The following CNTN6 variants were observed in gnomAD, a reference collection of about 807,000 sequenced individuals.
CNTN6 encodes contactin 6.
Under a neutral mutation model 122.8 loss-of-function variants are expected in CNTN6, and 137 were observed. That is an observed-to-expected ratio of 1.12 (90% CI 0.97 to 1.29). The LOEUF (loss-of-function observed/expected upper bound fraction) is 1.29, where lower values mean the gene tolerates loss of function less well. Ranked by LOEUF, CNTN6 falls within the 50% of genes most tolerant of loss-of-function variation. CNTN6 has a pLI of 0.00. For synonymous variants in CNTN6, 570 were observed against 426.0 expected (o/e 1.34, Z -4.16); for missense variants, 1,634 against 1,223.4 (o/e 1.34, Z -5.01).
At chr3:1,233,090 G>C (rs1290557821) in intron 4 of CNTN6, among the ~76,000 whole-genome samples, 1 of 152,138 alleles carries the variant, frequency 6.6e-6, no homozygotes, top group East Asian at 1.9e-4. Flanking sequence ...TTATATCCGG[G>C]CCTAATCTGC....
At chr3:1,220,861 A>C (rs1461649148) in intron 3 of CNTN6, 48 bp downstream of exon 3, 1 of 1,540,792 alleles carries the variant, frequency 6.5e-7, no homozygotes, top group Admixed American at 2.1e-5. Flanking sequence ...TTCCTCACTG[A>C]ACCAAAACAT....
At position 1,388,579 on chromosome 3, in the gene CNTN6, C is replaced by G. The variant is rs576129023; in HGVS notation, c.2704+2782C>G. On this transcript the variant is annotated intron_variant, in intron 20 of 22. Coordinates refer to ENST00000446702, the MANE Select transcript of CNTN6 (RefSeq NM_001289080.2). Reference sequence around the variant, plus strand: ...CTGGACGGAGAATGACTTTGACGAGCTGAGAGAAGAAGGCTTCAGACGATC... The same window carrying G: ...CTGGACGGAGAATGACTTTGACGAGGTGAGAGAAGAAGGCTTCAGACGATC... 3.9e-4 allele frequency among the ~76,000 whole-genome samples: 58 copies of G among 150,178 alleles called. No homozygotes were observed. In the East Asian group the frequency reaches 1.0e-2, roughly 26 times the overall value.
At chr3:1,252,950 G>A (rs763458613) in intron 4 of CNTN6, among the ~76,000 whole-genome samples, 1 of 152,152 alleles carries the variant, frequency 6.6e-6, no homozygotes. Flanking sequence ...TTGAAAGAAG[G>A]TATAGCATGA....
intron 7 of CNTN6, among the ~76,000 whole-genome samples, chr3:1,305,968 C>T (rs1463618822): frequency 2.0e-5 from 3 of 152,122 alleles, no homozygotes; most frequent in East Asian, 3.8e-4. Context: ...CTAATGTGGA[C>T]ATCATTGCAG....
rs181338415 is a variant in CNTN6 at position 1,267,469 on chromosome 3, G to A, written c.359-10944G>A. Among the ~76,000 whole-genome samples the A allele has an allele frequency of 3.9e-5, 6 of 152,236 alleles. No individual in the cohort carries two copies. The East Asian group carries it at 1.2e-3, about 29-fold the overall frequency. The stretch of plus-strand genomic sequence containing the variant: ...TTTGTTTATAAAGTTCAGGAATTGG[G>A]AAGGTCTCAGTAATTAAGAGGTCCC... On this transcript the variant is annotated intron_variant, in intron 4 of 22. Transcript: ENST00000446702.
chr3:1,171,276 A>C (rs1432372002), intron 2 of CNTN6, among the ~76,000 whole-genome samples: 1 of 152,214 alleles, frequency 6.6e-6, no homozygotes, highest in East Asian at 1.9e-4. Context: ...AAACTCCAAA[A>C]ATTTAAGCAA....
chr3:1,225,925 C>T (rs995852277), intron 3 of CNTN6, among the ~76,000 whole-genome samples: 6 of 152,170 alleles, frequency 3.9e-5, no homozygotes, highest in Admixed American at 6.5e-5. Context: ...CACATCTCAT[C>T]TTTAACATGG....
At chr3:1,387,030 T>C (rs1693102817) in intron 20 of CNTN6, among the ~76,000 whole-genome samples, 1 of 152,242 alleles carries the variant, frequency 6.6e-6, no homozygotes, top group African/African-American at 2.4e-5. Flanking sequence ...GATATTCATG[T>C]TCCAATTCTG....
intron 7 of CNTN6, among the ~76,000 whole-genome samples, chr3:1,312,094 G>A (rs2063242): frequency 6.6e-6 from 1 of 151,832 alleles, no homozygotes; most frequent in Non-Finnish European, 1.5e-5. Flanking sequence ...TAAATATCTT[G>A]CCAGTTTCTC....
At chr3:1,184,766 C>G (rs191621607) in intron 2 of CNTN6, among the ~76,000 whole-genome samples, 4 of 152,190 alleles carry the variant, frequency 2.6e-5, no homozygotes, top group Admixed American at 2.6e-4. Context: ...TATAGTCTGA[C>G]TGAAACTTAC....
At chr3:1,217,513 G>A (rs1256534606) in intron 2 of CNTN6, among the ~76,000 whole-genome samples, 2 of 152,184 alleles carry the variant, frequency 1.3e-5, no homozygotes, top group African/African-American at 2.4e-5. Context: ...AAGCAGAAAT[G>A]TATTAACACA....
intron 2 of CNTN6, among the ~76,000 whole-genome samples, chr3:1,198,647 G>A (rs1039345087): frequency 1.2e-4 from 19 of 152,022 alleles, no homozygotes; most frequent in African/African-American, 3.9e-4. Flanking sequence ...GCTTGAGCCC[G>A]GGAGATGGAG....
chr3:1,319,939 A>G (rs1295404993), intron 7 of CNTN6, among the ~76,000 whole-genome samples: 1 of 151,712 alleles, frequency 6.6e-6, no homozygotes, highest in Non-Finnish European at 1.5e-5. Context: ...CAACATATGC[A>G]TTTTTAATTG....
At chr3:1,116,999 C>G (rs2091748642) in intron 1 of CNTN6, among the ~76,000 whole-genome samples, 1 of 152,138 alleles carries the variant, frequency 6.6e-6, no homozygotes, top group Admixed American at 6.5e-5. Flanking sequence ...GCATGAGCCA[C>G]AGCACCCAGC....
intron 19 of CNTN6, among the ~76,000 whole-genome samples, chr3:1,384,622 T>C (rs943552303): frequency 1.3e-5 from 2 of 151,054 alleles, no homozygotes; most frequent in Non-Finnish European, 2.9e-5. Context: ...TATTTAACTT[T>C]GGATTTAGAA....
At chr3:1,175,168 A>T (rs114678447) in intron 2 of CNTN6, among the ~76,000 whole-genome samples, 1 of 147,238 alleles carries the variant, frequency 6.8e-6, no homozygotes. Context: ...GGAGGCCCAG[A>T]CTACGGTGAG....
chr3:1,384,874 C>A (rs895178163), intron 19 of CNTN6, among the ~76,000 whole-genome samples: 13 of 149,988 alleles, frequency 8.7e-5, no homozygotes, highest in African/African-American at 3.2e-4. Context: ...ACTCTCAGGA[C>A]AGGTGTCTTT....
At chr3:1,108,385 C>T (rs891563444) in intron 1 of CNTN6, among the ~76,000 whole-genome samples, 2 of 151,838 alleles carry the variant, frequency 1.3e-5, no homozygotes, top group Non-Finnish European at 2.9e-5. Context: ...AACCTGAATG[C>T]ATTTCTATAT....
rs143414051 is a variant in CNTN6, at chr3:1,330,865, G to A, written c.1364+930G>A. On this transcript the variant is annotated intron_variant, in intron 11 of 22. Transcript: ENST00000446702. ...GAAAGTGAGTTCCCTACCTAAAAAGGATAGTCACAACTCCAAATTCTGTCA... is the reference window on the plus strand; with the variant it reads ...GAAAGTGAGTTCCCTACCTAAAAAGAATAGTCACAACTCCAAATTCTGTCA... Among the ~76,000 whole-genome samples, 62 of 151,988 alleles carry A rather than the reference G, an allele frequency of 4.1e-4. No homozygotes were observed. In the East Asian group the frequency reaches 0.012, roughly 29 times the overall value.
Sources: allele counts gnomAD v4.1 joint callset (sites outside exome capture counted in the v4.1 genomes callset), GRCh38; gene constraint gnomAD v4.1.1; transcripts MANE v1.5; gene names NCBI Gene and HGNC (gene_info 2026-07-23, HGNC 2026-07-21).